The following BTF3L4 variants were observed in gnomAD, a reference collection of about 807,000 sequenced individuals.
BTF3L4 encodes transcription factor BTF3 homolog 4.
A neutral mutation model predicts 16.8 loss-of-function variants in BTF3L4; 6 were observed. That is an observed-to-expected ratio of 0.36 (90% CI 0.20 to 0.71). BTF3L4 has a LOEUF of 0.71. BTF3L4 is among the 30% of genes least tolerant of loss of function. The pLI, the probability that BTF3L4 is intolerant of heterozygous loss-of-function variation, is 0.58. For missense variants in BTF3L4, 92 were observed against 186.9 expected (o/e 0.49, Z 2.96); for synonymous variants, 39 against 59.8 (o/e 0.65, Z 1.60).
At chr1:52,069,241 T>G (rs1344002476) in intron 3 of BTF3L4, among the ~76,000 whole-genome samples, 1 of 152,174 alleles carries the variant, frequency 6.6e-6, no homozygotes, top group Non-Finnish European at 1.5e-5. Flanking sequence ...GGAGTTTTAC[T>G]TTTTGTTCTT....
chr1:52,088,234 AC>A lies in BTF3L4; in HGVS notation c.*1478del, dbSNP rs1225870153. 2 of 152,638 alleles carry A rather than the reference AC, an allele frequency of 1.3e-5. No homozygotes were observed. Among genetic ancestry groups the A allele is most frequent in the African/African-American group, 4.8e-5 (2 of 41,442 alleles). 9.5% of individuals were successfully genotyped at this position (152,638 alleles called of 1,614,324 possible). On this transcript the variant is annotated 3_prime_UTR_variant, in exon 6 of 6. Coordinates refer to ENST00000313334, the MANE Select transcript of BTF3L4 (RefSeq NM_152265.5). ...CTTTATTTGATATCTAAGGTGCAAG[AC>A]CAACAATATATTAAGAGATCTGTAG...
intron 3 of BTF3L4, among the ~76,000 whole-genome samples, chr1:52,067,556 CAA>C (rs1686686945): frequency 6.6e-6 from 1 of 151,966 alleles, no homozygotes; most frequent in Non-Finnish European, 1.5e-5. Flanking sequence ...TCATGGACCT[CAA>C]ATATTTTAGA....
rs1643942697 is a variant in BTF3L4, at chr1:52,083,534, A to C, written c.363A>C (p.Pro121=). The C allele has an allele frequency of 6.2e-7, 1 of 1,612,074 alleles. No individual in the cohort carries two copies. The highest frequency in any genetic ancestry group is 1.3e-5 in the African/African-American group (1 of 74,874). Reference sequence around the variant, plus strand: ...TTAGGAAGTTAGCTGAACAGTTCCCACGGCAAGGTAGGTATTTCAATTTAG... The same window carrying C: ...TTAGGAAGTTAGCTGAACAGTTCCCCCGGCAAGGTAGGTATTTCAATTTAG... ...TSLRKLAEQF[P]RQVLDSKAPK... The change falls in exon 4 of 6, where the codon CCA becomes CCC. Residue 121 remains proline (P), a synonymous_variant. Coordinates refer to ENST00000313334, the MANE Select transcript of BTF3L4 (RefSeq NM_152265.5).
At chr1:52,085,058 T>C (rs1643959310) in intron 4 of BTF3L4, among the ~76,000 whole-genome samples, 1 of 147,384 alleles carries the variant, frequency 6.8e-6, no homozygotes, top group South Asian at 2.2e-4. Flanking sequence ...TCTTGCTCTG[T>C]TGCCCAGGCT....
chr1:52,061,784 G>A (rs1686517918), intron 2 of BTF3L4, among the ~76,000 whole-genome samples: 1 of 151,228 alleles, frequency 6.6e-6, no homozygotes, highest in African/African-American at 2.4e-5. Context: ...GGGATTACAG[G>A]CATATGCCAC....
At chr1:52,073,580 C>A (rs975462218) in intron 3 of BTF3L4, among the ~76,000 whole-genome samples, 2 of 143,704 alleles carry the variant, frequency 1.4e-5, no homozygotes, top group Non-Finnish European at 3.0e-5. Flanking sequence ...TTGGCAGGTG[C>A]AATGACTCAT....
chr1:52,079,988 C>CA (rs1303646223), intron 3 of BTF3L4, among the ~76,000 whole-genome samples: 1 of 151,716 alleles, frequency 6.6e-6, no homozygotes, highest in East Asian at 1.9e-4. Flanking sequence ...TCTCCTGCCT[C>CA]AGCCTCCCAA....
At chr1:52,085,808 A>G (rs1265601304) in intron 4 of BTF3L4, among the ~76,000 whole-genome samples, 4 of 152,122 alleles carry the variant, frequency 2.6e-5, no homozygotes, top group Admixed American at 1.3e-4. Flanking sequence ...TCGCATCACT[A>G]CACTCCAGCC....
At chr1:52,064,359 T>G (rs1686592952) in intron 2 of BTF3L4, among the ~76,000 whole-genome samples, 1 of 152,208 alleles carries the variant, frequency 6.6e-6, no homozygotes, top group African/African-American at 2.4e-5. Flanking sequence ...GTTTATATAT[T>G]TATTGATTTT....
intron 3 of BTF3L4, among the ~76,000 whole-genome samples, chr1:52,071,931 CTGTGTGTGTGTGTGTG>C (rs59491944): frequency 1.0e-4 from 13 of 127,972 alleles, no homozygotes; most frequent in East Asian, 4.5e-4. Flanking sequence ...GTTTTTTACT[CTGTGTGTGTGTGTGTG>C]TGTGTGTGTG....
intron 2 of BTF3L4, among the ~76,000 whole-genome samples, chr1:52,061,229 C>T (rs1686499131): frequency 6.6e-6 from 1 of 152,130 alleles, no homozygotes; most frequent in Non-Finnish European, 1.5e-5. Flanking sequence ...TGGCTCACGC[C>T]TGTAATCCCA....
intron 2 of BTF3L4, chr1:52,060,341 T>C: frequency 2.0e-6 from 1 of 499,314 alleles, no homozygotes; most frequent in Non-Finnish European, 3.2e-6. Flanking sequence ...GATGTTAGGG[T>C]TACTTTGTCT....
chr1:52,072,214 C>T (rs949394556), intron 3 of BTF3L4, among the ~76,000 whole-genome samples: 1 of 151,848 alleles, frequency 6.6e-6, no homozygotes, highest in Non-Finnish European at 1.5e-5. Context: ...GCCACCACGC[C>T]TGGCTAATTT....
chr1:52,077,861 C>G (rs1686970862), intron 3 of BTF3L4, among the ~76,000 whole-genome samples: 1 of 152,136 alleles, frequency 6.6e-6, no homozygotes, highest in Non-Finnish European at 1.5e-5. Context: ...GGCCACCCAG[C>G]AGTTGCCAAA....
intron 3 of BTF3L4, among the ~76,000 whole-genome samples, chr1:52,067,294 A>G (rs536504141): frequency 1.3e-5 from 2 of 152,396 alleles, no homozygotes; most frequent in South Asian, 4.1e-4. Flanking sequence ...GGAATGGCAA[A>G]GTGCCACATG....
chr1:52,090,025 G>A lies in BTF3L4; in HGVS notation c.*3267G>A, dbSNP rs768107379. On this transcript the variant is annotated 3_prime_UTR_variant, in exon 6 of 6. Transcript: ENST00000313334. ...GGTAAGAGATAGTATGTTATAGTGG[G>A]AAAAGCACAAGTTTTTAGATAGAGA... The A allele has an allele frequency of 2.6e-5, 4 of 152,158 alleles. No individual in the cohort carries two copies. Among genetic ancestry groups the A allele is most frequent in the Non-Finnish European group, 4.4e-5 (3 of 68,024 alleles). 9.4% of individuals were successfully genotyped at this position (152,158 alleles called of 1,614,324 possible). A position where few individuals can be genotyped will look rare whatever the true frequency, so the allele number is the denominator to read the frequency against.
At chr1:52,064,223 C>T (rs950756228) in intron 2 of BTF3L4, among the ~76,000 whole-genome samples, 2 of 152,210 alleles carry the variant, frequency 1.3e-5, no homozygotes, top group African/African-American at 2.4e-5. Context: ...TATGTTACCT[C>T]TTCAGAGGGG....
chr1:52,068,654 C>T lies in BTF3L4; in HGVS notation c.168+3716C>T, dbSNP rs138386437. Among the ~76,000 whole-genome samples the T allele has an allele frequency of 3.2e-3, 492 of 152,154 alleles. 4 individuals are homozygous for T. The highest frequency in any genetic ancestry group is 5.2e-3 in the Non-Finnish European group (352 of 68,000). ...TCATTTATACTTGATTATACTCATT[C>T]TTGGCCTTTTAATTTCCTCCTGTCC... On this transcript the variant is annotated intron_variant, in intron 3 of 5. Coordinates refer to ENST00000313334, the MANE Select transcript of BTF3L4 (RefSeq NM_152265.5).
At chr1:52,069,936 G>A (rs951974489) in intron 3 of BTF3L4, among the ~76,000 whole-genome samples, 2 of 152,100 alleles carry the variant, frequency 1.3e-5, no homozygotes, top group Non-Finnish European at 2.9e-5. Context: ...AAAAACTAAG[G>A]TTGGGTGCGG....
Sources: gnomAD v4.1 joint callset for allele counts (sites outside exome capture counted in the v4.1 genomes callset) on GRCh38, gnomAD v4.1.1 for gene constraint, MANE v1.5 for transcripts, NCBI Gene and HGNC (gene_info 2026-07-23, HGNC 2026-07-21) for gene names.